The following SLC35A5 variants were observed in gnomAD, a reference collection of about 807,000 sequenced individuals.
SLC35A5 encodes solute carrier family 35 member A5, also known as UDP-sugar transporter protein SLC35A5.
Under a neutral mutation model 36.3 loss-of-function variants are expected in SLC35A5, and 28 were observed. That is an observed-to-expected ratio of 0.77 (90% CI 0.57 to 1.06). The LOEUF is 1.06. Ranked by LOEUF, SLC35A5 falls within the 50% of genes least tolerant of loss-of-function variation. The pLI is 0.00. For missense variants in SLC35A5, 521 were observed against 499.3 expected, an observed-to-expected ratio of 1.04 and a Z score of -0.41; for synonymous variants, 180 against 173.7, an observed-to-expected ratio of 1.04 and a Z score of -0.29.
intron 5 of SLC35A5, among the ~76,000 whole-genome samples, chr3:112,578,813 G>A (rs1218928068): frequency 6.6e-6 from 1 of 151,858 alleles, no homozygotes; most frequent in Non-Finnish European, 1.5e-5. Context: ...TTATATCATT[G>A]CCTCACTTAT....
chr3:112,582,113 A>G (rs1490957524), intron 6 of SLC35A5, among the ~76,000 whole-genome samples: 1 of 152,180 alleles, frequency 6.6e-6, no homozygotes, highest in Admixed American at 6.6e-5. Flanking sequence ...AGCACACAAA[A>G]TATGAAATAT....
chr3:112,570,625 C>T lies in SLC35A5; in HGVS notation c.315C>T (p.Phe105=). The T allele has an allele frequency of 6.2e-7, 1 of 1,612,104 alleles. No individual in the cohort carries two copies. Among genetic ancestry groups the T allele is most frequent in the Non-Finnish European group, 8.5e-7 (1 of 1,179,102 alleles). Residue 105 remains phenylalanine (F), a synonymous_variant, in exon 4 of 7, where the codon TTC becomes TTT. Coordinates refer to ENST00000492406, the MANE Select transcript of SLC35A5 (RefSeq NM_017945.5). ...MKWSIPAFLY[F]LDNLIVFYVL... ...GGTCCATTCCTGCCTTTCTTTATTT[C>T]CTGGATAACTTGATTGTCTTCTATG...
chr3:112,582,642 C>A lies in SLC35A5; in HGVS notation c.1210-29C>A, dbSNP rs760954061. On this transcript the variant is annotated intron_variant, in intron 6 of 6. Coordinates refer to ENST00000492406, the MANE Select transcript of SLC35A5 (RefSeq NM_017945.5). ...AAAATGCTACATTTCCAGTTTTGTT[C>A]TAATTACTGCTTTCATGTTTCCTTT... 6 of 1,581,216 alleles carry A rather than the reference C, an allele frequency of 3.8e-6. No homozygotes were observed. The East Asian group carries it at 9.0e-5, about 24-fold the overall frequency.
At chr3:112,579,485 A>G (rs974412110) in intron 5 of SLC35A5, among the ~76,000 whole-genome samples, 5 of 151,776 alleles carry the variant, frequency 3.3e-5, no homozygotes, top group African/African-American at 1.2e-4. Flanking sequence ...AGGCCTCCTG[A>G]CAACGCCAAT....
chr3:112,563,669 T>G (rs1934055756), intron 2 of SLC35A5, 136 bp downstream of exon 2: 13 of 969,372 alleles, frequency 1.3e-5, no homozygotes, highest in Non-Finnish European at 1.8e-5. Flanking sequence ...ATATTTAAAT[T>G]TGATTATTTA....
intron 2 of SLC35A5, among the ~76,000 whole-genome samples, chr3:112,565,867 A>G (rs1386839856): frequency 6.6e-6 from 1 of 152,222 alleles, no homozygotes; most frequent in Non-Finnish European, 1.5e-5. Flanking sequence ...TAAGGACTTC[A>G]TATTCCATGG....
chr3:112,566,969 A>G (rs990054532), intron 2 of SLC35A5, among the ~76,000 whole-genome samples: 30 of 152,110 alleles, frequency 2.0e-4, no homozygotes, highest in African/African-American at 5.3e-4. Context: ...GCTCACGCCT[A>G]TAATCCCAGC....
intron 5 of SLC35A5, among the ~76,000 whole-genome samples, chr3:112,575,852 C>A (rs752503726): frequency 1.3e-5 from 2 of 150,466 alleles, no homozygotes; most frequent in African/African-American, 4.9e-5. Context: ...CTCCTCTTCC[C>A]GTCTTCAAGC....
chr3:112,577,656 C>T (rs893755563), intron 5 of SLC35A5, among the ~76,000 whole-genome samples: 29 of 152,072 alleles, frequency 1.9e-4, no homozygotes, highest in Admixed American at 9.8e-4. Flanking sequence ...CTGATTTCCT[C>T]AAAGAGAAGG....
At chr3:112,572,194 G>A (rs914985836) in intron 4 of SLC35A5, among the ~76,000 whole-genome samples, 22 of 150,238 alleles carry the variant, frequency 1.5e-4, no homozygotes, top group African/African-American at 3.9e-4. Context: ...CACCCGCCTC[G>A]GCCTCCCAAA....
chr3:112,570,856 G>C (rs1218289909), intron 4 of SLC35A5, among the ~76,000 whole-genome samples, 186 bp downstream of exon 4: 1 of 152,022 alleles, frequency 6.6e-6, no homozygotes, highest in East Asian at 1.9e-4. Flanking sequence ...CTCTTAAATG[G>C]TCAAGATTAC....
intron 5 of SLC35A5, among the ~76,000 whole-genome samples, chr3:112,574,232 T>C (rs573185387): frequency 4.3e-4 from 65 of 152,348 alleles, no homozygotes; most frequent in African/African-American, 1.5e-3. Flanking sequence ...TAGTGCCAGA[T>C]TTTCAACAAA....
intron 2 of SLC35A5, among the ~76,000 whole-genome samples, chr3:112,567,648 C>G (rs1025189942): frequency 6.6e-6 from 1 of 152,206 alleles, no homozygotes; most frequent in Admixed American, 6.5e-5. Flanking sequence ...ATAGTCGGGC[C>G]TTAGCCCCTT....
Position 112,570,576 on chromosome 3 carries a change from A to G in SLC35A5, c.266A>G (p.Lys89Arg). Residue 89 changes from lysine to arginine, a missense_variant, in exon 4 of 7, where the codon AAG becomes AGG. Lys to Arg is a conservative substitution (Grantham distance 26). Transcript: ENST00000492406. ...QSRNLKYASW[K>R]EFSDFMKWSI... ...AGAAATTTGAAATATGCTTCCTGGA[A>G]GGAATTCTCTGATTTCATGAAGTGG... 1 of 1,610,618 alleles carries G rather than the reference A, an allele frequency of 6.2e-7. No homozygotes were observed. Among genetic ancestry groups the G allele is most frequent in the East Asian group, 2.2e-5 (1 of 44,712 alleles).
At chr3:112,567,239 C>CA (rs1198294487) in intron 2 of SLC35A5, among the ~76,000 whole-genome samples, 3 of 149,534 alleles carry the variant, frequency 2.0e-5, no homozygotes, top group Admixed American at 6.8e-5. Flanking sequence ...AAACAAAAAA[C>CA]AAAAACAGAC....
In SLC35A5 at chr3:112,563,732, C is replaced by T. The variant is rs867377166; in HGVS notation, c.130+199C>T. Among the ~76,000 whole-genome samples the T allele has an allele frequency of 5.9e-5, 9 of 152,308 alleles. 1 individual carries two copies. In the South Asian group the frequency reaches 6.2e-4, roughly 11 times the overall value. On this transcript the variant is annotated intron_variant, in intron 2 of 6. Coordinates refer to ENST00000492406, the MANE Select transcript of SLC35A5 (RefSeq NM_017945.5). Reference sequence around the variant, plus strand: ...GTTTGATAATGGATGAAATGTGAGTCAATCAGATACAAAAATCAAACCCTT... The same window carrying T: ...GTTTGATAATGGATGAAATGTGAGTTAATCAGATACAAAAATCAAACCCTT...
intron 4 of SLC35A5, among the ~76,000 whole-genome samples, chr3:112,571,338 G>A (rs1449610983): frequency 2.0e-5 from 3 of 152,166 alleles, no homozygotes; most frequent in South Asian, 2.1e-4. Context: ...TAGGTCACAT[G>A]TATATTTCCC....
At chr3:112,568,106 TCCATTCCATTTC>T (rs1182194107) in intron 2 of SLC35A5, among the ~76,000 whole-genome samples, 3 of 152,186 alleles carry the variant, frequency 2.0e-5, no homozygotes, top group African/African-American at 7.2e-5. Context: ...GTAAGGATCT[TCCATTCCATTTC>T]ACTTCACACA....
intron 1 of SLC35A5, 118 bp from the exon 2 acceptor site, chr3:112,563,267 T>C (rs1934023492): frequency 5.7e-6 from 4 of 707,138 alleles, no homozygotes; most frequent in Non-Finnish European, 8.3e-6. Context: ...ACTTTCTTGG[T>C]GCTGATATAG....
Sources: allele counts gnomAD v4.1 joint callset (sites outside exome capture counted in the v4.1 genomes callset), GRCh38; gene constraint gnomAD v4.1.1; transcripts MANE v1.5; gene names NCBI Gene and HGNC (gene_info 2026-07-23, HGNC 2026-07-21).